The following ATP6V0D1 variants were observed in gnomAD, a reference collection of about 807,000 sequenced individuals.
The protein encoded by ATP6V0D1 is V-type proton ATPase subunit d 1.
Under a neutral mutation model 39.0 loss-of-function variants are expected in ATP6V0D1, and 13 were observed. The ratio of observed to expected loss-of-function variants is 0.33; its 90% CI spans 0.22 to 0.53. ATP6V0D1 has a LOEUF of 0.53. Among genes scored for constraint, ATP6V0D1 ranks in the 20% least tolerant of loss-of-function variants. ATP6V0D1 has a pLI of 0.94. For synonymous variants in ATP6V0D1, 191 were observed against 191.2 expected (o/e 1.00, Z 0.01); for missense variants, 272 against 470.9 (o/e 0.58, Z 3.91).
intron 5 of ATP6V0D1, 23 bp from the exon 6 acceptor site, chr16:67,439,170 A>G: frequency 6.2e-7 from 1 of 1,613,712 alleles, no homozygotes; most frequent in African/African-American, 1.3e-5. Flanking sequence ...TGCACAGGTA[A>G]GAAGAGAGGG....
chr16:67,454,095 C>A (rs545809902), intron 1 of ATP6V0D1, among the ~76,000 whole-genome samples: 1 of 152,286 alleles, frequency 6.6e-6, no homozygotes, highest in East Asian at 1.9e-4. Context: ...ATGAGCCCTG[C>A]ACTCCAGGGC....
rs2041209261 is a variant in ATP6V0D1, at chr16:67,453,823, T to G, written c.131-108A>C. 2.8e-5 allele frequency: 29 copies of G among 1,054,082 alleles called. No homozygotes were observed. Among genetic ancestry groups the G allele is most frequent in the Non-Finnish European group, 3.9e-5 (28 of 715,146 alleles). 65.3% of individuals were successfully genotyped at this position (1,054,082 alleles called of 1,614,324 possible). A position where few individuals can be genotyped will look rare whatever the true frequency, so the allele number is the denominator to read the frequency against. ...GCCCCAGCTCTCCCCTGCAGTTGTG[T>G]CCCGCTACTACCCTGATCTCCATCT... On this transcript the variant is annotated intron_variant, in intron 1 of 7. Coordinates refer to ENST00000290949, the MANE Select transcript of ATP6V0D1 (RefSeq NM_004691.5). The surrounding 1 kb of genome is among the most constrained non-coding windows in gnomAD (Gnocchi z 4.1).
chr16:67,461,929 C>T (rs1486199174), intron 1 of ATP6V0D1, among the ~76,000 whole-genome samples: 1 of 152,218 alleles, frequency 6.6e-6, no homozygotes, highest in Non-Finnish European at 1.5e-5. Flanking sequence ...TAATTACCCT[C>T]ATACTCTCAG....
chr16:67,438,452 C>A lies in ATP6V0D1; in HGVS notation c.*76G>T. 3 of 1,498,898 alleles carry A rather than the reference C, an allele frequency of 2.0e-6. No individual in the cohort carries two copies. Among genetic ancestry groups the A allele is most frequent in the South Asian group, 1.3e-5 (1 of 78,736 alleles). 92.8% of individuals were successfully genotyped at this position (1,498,898 alleles called of 1,614,324 possible). A position where few individuals can be genotyped will look rare whatever the true frequency, so the allele number is the denominator to read the frequency against. On this transcript the variant is annotated 3_prime_UTR_variant, in exon 8 of 8. Transcript: ENST00000290949. ...CCACAGGCTTGTCACAGACCACATACACACACACGCACACACACGCGCACA... is the reference window on the plus strand; with the variant it reads ...CCACAGGCTTGTCACAGACCACATAAACACACACGCACACACACGCGCACA...
intron 3 of ATP6V0D1, 39 bp from the exon 4 acceptor site, chr16:67,443,217 C>T: frequency 6.2e-7 from 1 of 1,603,204 alleles, no homozygotes; most frequent in Middle Eastern, 1.8e-4. Flanking sequence ...GGCAGGTGGC[C>T]TAGGCCAGAA....
intron 1 of ATP6V0D1, among the ~76,000 whole-genome samples, chr16:67,477,902 C>G (rs796315281): frequency 1.3e-5 from 2 of 152,126 alleles, no homozygotes; most frequent in Non-Finnish European, 2.9e-5. Context: ...ATCTCCTGAC[C>G]TCATGATCCA....
At chr16:67,454,082 G>C (rs1188627651) in intron 1 of ATP6V0D1, among the ~76,000 whole-genome samples, 2 of 152,174 alleles carry the variant, frequency 1.3e-5, no homozygotes, top group Non-Finnish European at 2.9e-5. Context: ...AGCAGGGTAA[G>C]TCATGAGCCC....
In ATP6V0D1 at chr16:67,474,048, T is replaced by C. The variant is rs377244703; in HGVS notation, c.130+6909A>G. Among the ~76,000 whole-genome samples the C allele has an allele frequency of 2.5e-4, 38 of 152,316 alleles. 2 individuals carry two copies. In the South Asian group the frequency reaches 7.7e-3, roughly 31 times the overall value. On this transcript the variant is annotated intron_variant, in intron 1 of 7. Transcript: ENST00000290949. ...ATCCCCTCCCTAAAGTACCCTGCACTTACTGTGCACTCAATGCTGTTTTGA... is the reference window on the plus strand; with the variant it reads ...ATCCCCTCCCTAAAGTACCCTGCACCTACTGTGCACTCAATGCTGTTTTGA...
rs2041127993 is a variant in ATP6V0D1, at chr16:67,447,298, T to G, written c.303-2592A>C. On this transcript the variant is annotated intron_variant, in intron 2 of 7. Transcript: ENST00000290949. The surrounding 1 kb of genome is among the most constrained non-coding windows in gnomAD (Gnocchi z 4.1). ...TTGCTGCTGCAGCCCTGCTTTTCTC[T>G]CCTGCCCAGTGAGGGGCAGAATCCT... is the stretch of plus-strand genomic sequence containing the variant. 6.6e-6 allele frequency among the ~76,000 whole-genome samples: 1 copy of G among 152,186 alleles called. No homozygotes were observed. The highest frequency in any genetic ancestry group is 1.5e-5 in the Non-Finnish European group (1 of 68,032).
intron 1 of ATP6V0D1, among the ~76,000 whole-genome samples, chr16:67,463,056 G>GATCCTGGCAGGAGC (rs1333859988): frequency 6.6e-6 from 1 of 152,204 alleles, no homozygotes; most frequent in Non-Finnish European, 1.5e-5. Flanking sequence ...GGTCAGGCTG[G>GATCCTGGCAGGAGC]ATCCTGGCAG....
chr16:67,454,231 G>A (rs984886531), intron 1 of ATP6V0D1, among the ~76,000 whole-genome samples: 2 of 152,214 alleles, frequency 1.3e-5, no homozygotes, highest in African/African-American at 4.8e-5. Context: ...GGCCACAAAA[G>A]GCTGGGCCAC....
intron 1 of ATP6V0D1, among the ~76,000 whole-genome samples, chr16:67,466,674 AAAAATAAAC>A (rs1195878579): frequency 6.6e-6 from 1 of 152,094 alleles, no homozygotes; most frequent in Non-Finnish European, 1.5e-5. Context: ...TGTCTCTACC[AAAAATAAAC>A]AAAATCAGCT....
At chr16:67,472,988 C>T (rs557306156) in intron 1 of ATP6V0D1, among the ~76,000 whole-genome samples, 31 of 152,276 alleles carry the variant, frequency 2.0e-4, no homozygotes, top group Middle Eastern at 3.4e-3. Context: ...TTTACCATAA[C>T]TTTCATCCTT....
At position 67,438,496 on chromosome 16, in the gene ATP6V0D1, A is replaced by AC; in HGVS notation, c.*31_*32insG. On this transcript the variant is annotated 3_prime_UTR_variant, in exon 8 of 8. Transcript: ENST00000290949. Reference sequence around the variant, plus strand: ...GCGCACACACACACACACACACACAAAGAGTGCAATTGAGAGCCTTGGGCC... The same window carrying AC: ...GCGCACACACACACACACACACACAACAGAGTGCAATTGAGAGCCTTGGGCC... 6.2e-7 allele frequency: 1 copy of AC among 1,605,398 alleles called. No individual in the cohort carries two copies. Among genetic ancestry groups the AC allele is most frequent in the Non-Finnish European group, 8.5e-7 (1 of 1,174,560 alleles).
At chr16:67,466,367 A>ACG (rs2041330580) in intron 1 of ATP6V0D1, among the ~76,000 whole-genome samples, 2 of 150,748 alleles carry the variant, frequency 1.3e-5, no homozygotes, top group Non-Finnish European at 3.0e-5. Flanking sequence ...ACACACACAC[A>ACG]CACACACACA....
intron 1 of ATP6V0D1, among the ~76,000 whole-genome samples, chr16:67,473,088 C>T (rs189537689): frequency 4.9e-4 from 75 of 152,240 alleles, no homozygotes; most frequent in African/African-American, 1.7e-3. Context: ...AAATCCTCGA[C>T]ACACACTCTA....
chr16:67,479,122 C>G (rs1026743859), intron 1 of ATP6V0D1, among the ~76,000 whole-genome samples: 2 of 152,138 alleles, frequency 1.3e-5, no homozygotes, highest in Non-Finnish European at 2.9e-5. Context: ...AAAGTGCTCT[C>G]CTTCCCCACC....
intron 1 of ATP6V0D1, among the ~76,000 whole-genome samples, chr16:67,457,833 C>T (rs1235828766): frequency 1.3e-5 from 2 of 152,250 alleles, no homozygotes; most frequent in Non-Finnish European, 1.5e-5. Flanking sequence ...ACTGCTGGAA[C>T]GCAGGCGGCT....
At chr16:67,449,152 G>A (rs965946163) in intron 2 of ATP6V0D1, among the ~76,000 whole-genome samples, 3 of 152,236 alleles carry the variant, frequency 2.0e-5, no homozygotes, top group East Asian at 1.9e-4. Flanking sequence ...TGGCACTGAG[G>A]CCCCTGACAC....
Sources: gnomAD v4.1 joint callset for allele counts (sites outside exome capture counted in the v4.1 genomes callset) on GRCh38, gnomAD v4.1.1 for gene constraint, Gnocchi (gnomAD v3.1) non-coding constraint, MANE v1.5 for transcripts, NCBI Gene and HGNC (gene_info 2026-07-23, HGNC 2026-07-21) for gene names.